Variants in SLC17A8 observed in about 807,000 individuals in gnomAD.
SLC17A8 encodes solute carrier family 17 member 8.
Under a neutral mutation model 58.0 loss-of-function variants are expected in SLC17A8, and 31 were observed. The ratio of observed to expected loss-of-function variants is 0.53; its 90% CI spans 0.40 to 0.72. The LOEUF is 0.72. Ranked by LOEUF, SLC17A8 falls within the 30% of genes least tolerant of loss-of-function variation. The pLI is 0.00. For missense variants in SLC17A8, 655 were observed against 727.8 expected, an observed-to-expected ratio of 0.90 and a Z score of 1.15; for synonymous variants, 228 against 249.0, an observed-to-expected ratio of 0.92 and a Z score of 0.79.
chr12:100,418,615 C>T (rs947851025), intron 11 of SLC17A8, among the ~76,000 whole-genome samples: 1 of 152,202 alleles, frequency 6.6e-6, no homozygotes, highest in Non-Finnish European at 1.5e-5. Context: ...ATAACCTACC[C>T]AGTTGTTACT....
In SLC17A8 at chr12:100,363,748, GC is replaced by G. The variant is rs571708560; in HGVS notation, c.101+6257del. Among the ~76,000 whole-genome samples the G allele has an allele frequency of 3.2e-3, 490 of 152,158 alleles. 2 individuals are homozygous for G. The highest frequency in any genetic ancestry group is 0.01 in the African/African-American group (435 of 41,504). ...GATGTCGCAGCTGCATCTTTAAGAAGCTTCTTCAGAGGCCAGGTGCCATGGC... is the reference window on the plus strand; with the variant it reads ...GATGTCGCAGCTGCATCTTTAAGAAGTTCTTCAGAGGCCAGGTGCCATGGC... On this transcript the variant is annotated intron_variant, in intron 1 of 11. Coordinates refer to ENST00000323346, the MANE Select transcript of SLC17A8 (RefSeq NM_139319.3).
chr12:100,397,927 G>A (rs1175958500), intron 5 of SLC17A8, among the ~76,000 whole-genome samples: 1 of 151,434 alleles, frequency 6.6e-6, no homozygotes, highest in Non-Finnish European at 1.5e-5. Context: ...GGGTGACAGA[G>A]GAAGACCCCG....
chr12:100,369,212 G>A (rs549038000), intron 1 of SLC17A8, among the ~76,000 whole-genome samples: 103 of 152,300 alleles, frequency 6.8e-4, no homozygotes, highest in African/African-American at 2.2e-3. Flanking sequence ...GGAGGCAGAC[G>A]TTGCAGTGAG....
chr12:100,408,074 T>C (rs1391217519), intron 9 of SLC17A8, among the ~76,000 whole-genome samples: 1 of 152,208 alleles, frequency 6.6e-6, no homozygotes, highest in Admixed American at 6.5e-5. Flanking sequence ...GCAGGTTGAT[T>C]TGGAAATGAT....
At chr12:100,365,300 G>T (rs948631093) in intron 1 of SLC17A8, among the ~76,000 whole-genome samples, 6 of 152,104 alleles carry the variant, frequency 3.9e-5, no homozygotes, top group African/African-American at 7.2e-5. Flanking sequence ...AGATGACAAG[G>T]CCTTGTCCCA....
chr12:100,370,230 AG>A (rs1313640257), intron 1 of SLC17A8, among the ~76,000 whole-genome samples: 2 of 152,158 alleles, frequency 1.3e-5, no homozygotes, highest in African/African-American at 4.8e-5. Flanking sequence ...CCAGGATTAC[AG>A]GTGTGAGCCA....
At chr12:100,391,387 C>G (rs936021628) in intron 3 of SLC17A8, among the ~76,000 whole-genome samples, 11 of 141,258 alleles carry the variant, frequency 7.8e-5, no homozygotes, top group Admixed American at 5.6e-4. Flanking sequence ...CCCCCTCCCC[C>G]ACCCCACTCG....
chr12:100,377,323 G>A (rs1390176538), intron 1 of SLC17A8, among the ~76,000 whole-genome samples: 1 of 152,030 alleles, frequency 6.6e-6, no homozygotes, highest in East Asian at 1.9e-4. Flanking sequence ...TTATTATGTG[G>A]CAAGTTCTGT....
At chr12:100,388,134 G>C (rs1340742277) in intron 2 of SLC17A8, among the ~76,000 whole-genome samples, 2 of 152,036 alleles carry the variant, frequency 1.3e-5, no homozygotes. Flanking sequence ...TTCTCTGCCT[G>C]GAAAGCTCAC....
intron 1 of SLC17A8, among the ~76,000 whole-genome samples, chr12:100,364,047 C>CAAA (rs3057169): frequency 0.024 from 1,271 of 52,466 alleles, 62 homozygotes; most frequent in African/African-American, 0.067. Context: ...GATTCCATCT[C>CAAA]AAAAAAAAAA....
intron 10 of SLC17A8, among the ~76,000 whole-genome samples, chr12:100,417,675 T>C (rs1012610729): frequency 2.0e-5 from 3 of 152,264 alleles, no homozygotes; most frequent in Non-Finnish European, 2.9e-5. Flanking sequence ...GGTCTAGTCA[T>C]ACTGTATGTG....
At chr12:100,385,708 G>T (rs1169054314) in intron 2 of SLC17A8, among the ~76,000 whole-genome samples, 1 of 152,134 alleles carries the variant, frequency 6.6e-6, no homozygotes, top group Non-Finnish European at 1.5e-5. Context: ...GGGAATAAAA[G>T]GACTGCTTTG....
chr12:100,372,296 C>T (rs979761607), intron 1 of SLC17A8, among the ~76,000 whole-genome samples: 1 of 152,114 alleles, frequency 6.6e-6, no homozygotes, highest in African/African-American at 2.4e-5. Context: ...CCTCAGATGG[C>T]TTTCCTCTAT....
chr12:100,419,063 T>C (rs1304038234), intron 11 of SLC17A8, among the ~76,000 whole-genome samples: 1 of 152,172 alleles, frequency 6.6e-6, no homozygotes, highest in African/African-American at 2.4e-5. Flanking sequence ...TTCTTGTCAG[T>C]CAAGGGTGAG....
chr12:100,365,287 T>A (rs1328064605), intron 1 of SLC17A8, among the ~76,000 whole-genome samples: 1 of 152,190 alleles, frequency 6.6e-6, no homozygotes, highest in Admixed American at 6.5e-5. Context: ...ATTTCTCTAC[T>A]ATAGATGACA....
chr12:100,378,846 G>T (rs1952612544), intron 1 of SLC17A8, among the ~76,000 whole-genome samples: 1 of 152,124 alleles, frequency 6.6e-6, no homozygotes, highest in African/African-American at 2.4e-5. Context: ...TCTACTCTGG[G>T]CTCACCGGTT....
intron 1 of SLC17A8, among the ~76,000 whole-genome samples, chr12:100,362,597 G>T (rs1952491832): frequency 6.6e-6 from 1 of 152,084 alleles, no homozygotes; most frequent in East Asian, 1.9e-4. Flanking sequence ...GTAGAAGTGT[G>T]CTTGCCCATC....
Position 100,375,564 on chromosome 12 carries a change from C to T in SLC17A8, c.102-5137C>T, listed in dbSNP as rs7485836. Among the ~76,000 whole-genome samples the T allele has an allele frequency of 7.3e-3, 1,110 of 152,302 alleles. 17 individuals are homozygous for T. The highest frequency in any genetic ancestry group is 0.026 in the African/African-American group (1,074 of 41,572). On this transcript the variant is annotated intron_variant, in intron 1 of 11. Transcript: ENST00000323346. ...GCCTGTGAGAAAGAGGCGCTGTCCC[C>T]ACGCCAAATGGGTGGTTGATTCAGA...
At chr12:100,385,154 GAA>G (rs1369785781) in intron 2 of SLC17A8, among the ~76,000 whole-genome samples, 3 of 150,726 alleles carry the variant, frequency 2.0e-5, no homozygotes, top group Non-Finnish European at 4.4e-5. Context: ...GAGAGAGAGA[GAA>G]AGAGAAAGAG....
Sources: gnomAD v4.1 joint callset for allele counts (sites outside exome capture counted in the v4.1 genomes callset) on GRCh38, gnomAD v4.1.1 for gene constraint, MANE v1.5 for transcripts, NCBI Gene and HGNC (gene_info 2026-07-23, HGNC 2026-07-21) for gene names.